Variants in SPOCK3 observed in about 807,000 individuals in gnomAD.
SPOCK3 encodes SPARC (osteonectin), cwcv and kazal like domains proteoglycan 3.
A neutral mutation model predicts 56.6 loss-of-function variants in SPOCK3; 30 were observed. That is an observed-to-expected ratio of 0.53 (90% confidence interval 0.40 to 0.72). SPOCK3 has a LOEUF of 0.72. Among genes scored for constraint, SPOCK3 ranks in the 30% least tolerant of loss-of-function variants. The pLI, the probability that SPOCK3 is intolerant of heterozygous loss-of-function variation, is 0.00. For missense variants in SPOCK3, 527 were observed against 530.0 expected, an observed-to-expected ratio of 0.99 and a Z score of 0.06; for synonymous variants, 196 against 183.3, an observed-to-expected ratio of 1.07 and a Z score of -0.56.
intron 8 of SPOCK3, among the ~76,000 whole-genome samples, chr4:166,751,974 T>A (rs1560820026): frequency 6.6e-6 from 1 of 151,520 alleles, no homozygotes; most frequent in Non-Finnish European, 1.5e-5. Context: ...AATTATAACA[T>A]TTTTTTCCCT....
intron 2 of SPOCK3, among the ~76,000 whole-genome samples, chr4:167,142,442 A>G (rs1334833216): frequency 1.3e-5 from 2 of 151,992 alleles, no homozygotes; most frequent in African/African-American, 4.8e-5. Context: ...AGAGGCAGCC[A>G]CGAGAAAAAA....
chr4:166,975,210 A>G (rs1271028818), intron 4 of SPOCK3, among the ~76,000 whole-genome samples: 1 of 152,158 alleles, frequency 6.6e-6, no homozygotes, highest in Non-Finnish European at 1.5e-5. Flanking sequence ...TAAATTATCC[A>G]GTCTCATGTA....
intron 4 of SPOCK3, among the ~76,000 whole-genome samples, chr4:166,953,083 T>C (rs1264889283): frequency 6.6e-6 from 1 of 151,406 alleles, no homozygotes; most frequent in South Asian, 2.1e-4. Flanking sequence ...AATTGACAAA[T>C]GGGATCTAAT....
At chr4:167,119,654 G>T in intron 2 of SPOCK3, 1 of 593,704 alleles carries the variant, frequency 1.7e-6, no homozygotes, top group South Asian at 2.6e-5. Context: ...GATGACATCA[G>T]TCATAGACTT....
At chr4:167,028,021 T>C (rs1376095024) in intron 3 of SPOCK3, among the ~76,000 whole-genome samples, 1 of 152,116 alleles carries the variant, frequency 6.6e-6, no homozygotes, top group African/African-American at 2.4e-5. Flanking sequence ...CCTTATTTTA[T>C]GTTTTATTTA....
intron 2 of SPOCK3, among the ~76,000 whole-genome samples, chr4:167,231,838 C>T (rs1737207615): frequency 6.6e-6 from 1 of 152,120 alleles, no homozygotes; most frequent in African/African-American, 2.4e-5. Flanking sequence ...TTTATCCGCT[C>T]CATTCCCTCC....
chr4:166,805,517 T>A (rs1464324432), intron 6 of SPOCK3, among the ~76,000 whole-genome samples: 1 of 152,078 alleles, frequency 6.6e-6, no homozygotes, highest in African/African-American at 2.4e-5. Flanking sequence ...TCTGATAGAC[T>A]GGCAGATTAA....
intron 4 of SPOCK3, among the ~76,000 whole-genome samples, chr4:166,953,292 C>T (rs956661740): frequency 6.6e-6 from 1 of 152,202 alleles, no homozygotes; most frequent in African/African-American, 2.4e-5. Flanking sequence ...ACAGATACTT[C>T]TCAAAAGAAG....
At chr4:167,197,914 C>A (rs957778329) in intron 2 of SPOCK3, among the ~76,000 whole-genome samples, 5 of 152,158 alleles carry the variant, frequency 3.3e-5, no homozygotes, top group African/African-American at 1.2e-4. Context: ...CTCTCCGATT[C>A]CAAAAGGGCC....
intron 6 of SPOCK3, among the ~76,000 whole-genome samples, chr4:166,810,538 T>C (rs1321332145): frequency 2.0e-5 from 3 of 152,048 alleles, no homozygotes; most frequent in Non-Finnish European, 2.9e-5. Flanking sequence ...TCAATGGGTA[T>C]TGAAATTTAT....
rs183743451 is a variant in SPOCK3, at chr4:167,037,900, T to C, written c.235+24592A>G. On this transcript the variant is annotated intron_variant, in intron 3 of 10. Transcript: ENST00000357545. ...TGAGAAAGTAAAAAACTTTTTGTTG[T>C]TGTTGTTGTTGTTACTTTTGTTTTT... Among the ~76,000 whole-genome samples, 27 of 152,350 alleles carry C rather than the reference T, an allele frequency of 1.8e-4. 1 individual carries two copies. The East Asian group carries it at 4.8e-3, about 27-fold the overall frequency.
At chr4:167,028,288 G>C (rs956513883) in intron 3 of SPOCK3, among the ~76,000 whole-genome samples, 1 of 151,314 alleles carries the variant, frequency 6.6e-6, no homozygotes, top group Non-Finnish European at 1.5e-5. Context: ...GAGGCAAGAG[G>C]ATCACCTGAG....
chr4:167,057,056 A>G (rs1440171860), intron 3 of SPOCK3, among the ~76,000 whole-genome samples: 1 of 152,204 alleles, frequency 6.6e-6, no homozygotes, highest in African/African-American at 2.4e-5. Flanking sequence ...GTTACCCACA[A>G]AGGGAAGCCC....
intron 2 of SPOCK3, among the ~76,000 whole-genome samples, chr4:167,174,838 C>T (rs1292902881): frequency 6.6e-6 from 1 of 152,142 alleles, no homozygotes; most frequent in Non-Finnish European, 1.5e-5. Context: ...CACACATACA[C>T]ACAGGCATGC....
chr4:167,066,161 C>T (rs569597811), intron 2 of SPOCK3, among the ~76,000 whole-genome samples: 12 of 151,922 alleles, frequency 7.9e-5, no homozygotes, highest in Admixed American at 2.6e-4. Flanking sequence ...CATTTTTTCT[C>T]TAATTTTAAA....
At chr4:167,158,060 C>G (rs910970926) in intron 2 of SPOCK3, among the ~76,000 whole-genome samples, 1 of 151,842 alleles carries the variant, frequency 6.6e-6, no homozygotes, top group African/African-American at 2.4e-5. Flanking sequence ...CAGCATTTTA[C>G]TTACTAATAT....
In SPOCK3 at chr4:166,754,596, A is replaced by G; in HGVS notation, c.843T>C (p.Cys281=). The G allele has an allele frequency of 5.0e-6, 8 of 1,613,754 alleles. No individual in the cohort carries two copies. Among genetic ancestry groups the G allele is most frequent in the Non-Finnish European group, 6.8e-6 (8 of 1,179,758 alleles). Residue 281 remains cysteine (C), a synonymous_variant, in exon 8 of 11, where the codon TGT becomes TGC. Coordinates refer to ENST00000357545, the MANE Select transcript of SPOCK3 (RefSeq NM_001040159.2). ...CACAAGAATTGAAGAATGCCTTGGT[A>G]CACTGTTCATTCTTATCAAGGTAAA... is the stretch of plus-strand genomic sequence containing the variant. ...RSIYLDKNEQ[C]TKAFFNSCDT...
intron 2 of SPOCK3, among the ~76,000 whole-genome samples, chr4:167,077,126 T>C (rs537708808): frequency 6.6e-6 from 1 of 151,922 alleles, no homozygotes; most frequent in Non-Finnish European, 1.5e-5. Context: ...TCATTTTATA[T>C]TAAGTGACTC....
chr4:167,233,604 T>C (rs1284220832), intron 2 of SPOCK3, among the ~76,000 whole-genome samples: 1 of 152,120 alleles, frequency 6.6e-6, no homozygotes, highest in Non-Finnish European at 1.5e-5. Flanking sequence ...TCGATCCTAG[T>C]TACTTTAGTA....
Sources: allele counts gnomAD v4.1 joint callset (sites outside exome capture counted in the v4.1 genomes callset), GRCh38; gene constraint gnomAD v4.1.1; transcripts MANE v1.5; gene names NCBI Gene and HGNC (gene_info 2026-07-23, HGNC 2026-07-21).